The following PPFIA2 variants were observed in gnomAD, a reference collection of about 807,000 sequenced individuals.
The protein encoded by PPFIA2 is liprin-alpha-2.
PPFIA2 carries 46 observed loss-of-function variants against 175.5 expected under a neutral mutation model. The ratio of observed to expected loss-of-function variants is 0.26; its 90% CI spans 0.21 to 0.34. The LOEUF is 0.34. Ranked by LOEUF, PPFIA2 falls within the 10% of genes least tolerant of loss-of-function variation. The pLI is 1.00. For synonymous variants in PPFIA2, 568 were observed against 511.4 expected (o/e 1.11, Z -1.49); for missense variants, 1,179 against 1,506.1 (o/e 0.78, Z 3.60).
At chr12:81,455,347 T>C (rs2053399749) in intron 5 of PPFIA2, among the ~76,000 whole-genome samples, 1 of 152,122 alleles carries the variant, frequency 6.6e-6, no homozygotes. Flanking sequence ...GGGGTTTTCA[T>C]AAATCTGTTT....
chr12:81,637,067 TC>T (rs1374280384), intron 4 of PPFIA2, among the ~76,000 whole-genome samples: 1 of 151,488 alleles, frequency 6.6e-6, no homozygotes, highest in East Asian at 1.9e-4. Flanking sequence ...TTACTCTATA[TC>T]TTTTTTTTTT....
chr12:81,751,132 T>C (rs969860809), intron 3 of PPFIA2, among the ~76,000 whole-genome samples: 1 of 151,916 alleles, frequency 6.6e-6, no homozygotes, highest in African/African-American at 2.4e-5. Flanking sequence ...AAACACTTTC[T>C]TTAAAAAAAA....
intron 4 of PPFIA2, among the ~76,000 whole-genome samples, chr12:81,498,886 T>C (rs1300929225): frequency 1.3e-5 from 2 of 152,036 alleles, no homozygotes; most frequent in African/African-American, 4.8e-5. Flanking sequence ...GCCTCCCAAA[T>C]TGCTGGGATT....
rs1163033534 is a variant in PPFIA2 at position 81,605,642 on chromosome 12, T to C, written c.303+71149A>G. Among the ~76,000 whole-genome samples the C allele has an allele frequency of 2.1e-5, 3 of 145,570 alleles. No individual in the cohort carries two copies. In the East Asian group the frequency reaches 6.0e-4, roughly 29 times the overall value. ...ACTAGCCTGTCTGTCTATCCATCCA[T>C]CCATCCAGCTATCTATCTATCTATC... On this transcript the variant is annotated intron_variant, in intron 4 of 32. Coordinates refer to ENST00000549396, the MANE Select transcript of PPFIA2 (RefSeq NM_003625.5).
At chr12:81,549,620 G>A (rs1320898917) in intron 4 of PPFIA2, among the ~76,000 whole-genome samples, 1 of 151,892 alleles carries the variant, frequency 6.6e-6, no homozygotes, top group South Asian at 2.1e-4. Flanking sequence ...CCTTGAATAT[G>A]TCCCATTCCA....
At chr12:81,271,388 A>G (rs1306490845) in intron 28 of PPFIA2, among the ~76,000 whole-genome samples, 7 of 152,024 alleles carry the variant, frequency 4.6e-5, no homozygotes, top group Non-Finnish European at 1.0e-4. Context: ...CTCCTGCCTC[A>G]CCCTCCCAAG....
intron 3 of PPFIA2, among the ~76,000 whole-genome samples, chr12:81,712,742 G>A (rs1257277193): frequency 6.7e-6 from 1 of 150,048 alleles, no homozygotes; most frequent in Non-Finnish European, 1.5e-5. Flanking sequence ...TTTTTTTTAA[G>A]TGGGACATCA....
At chr12:81,574,111 G>C (rs2073067499) in intron 4 of PPFIA2, among the ~76,000 whole-genome samples, 1 of 151,750 alleles carries the variant, frequency 6.6e-6, no homozygotes, top group Non-Finnish European at 1.5e-5. Context: ...ATAGTTATCA[G>C]GGGCTGCATA....
chr12:81,462,709 C>T (rs1002753797), intron 4 of PPFIA2, among the ~76,000 whole-genome samples: 1 of 150,704 alleles, frequency 6.6e-6, no homozygotes, highest in Non-Finnish European at 1.5e-5. Context: ...ATACCTCCCA[C>T]CTAGGAATAG....
At chr12:81,677,597 A>G (rs1596313039) in intron 3 of PPFIA2, among the ~76,000 whole-genome samples, 1 of 152,024 alleles carries the variant, frequency 6.6e-6, no homozygotes, top group East Asian at 1.9e-4. Flanking sequence ...AGAACAGGTG[A>G]CATTTATCTT....
intron 8 of PPFIA2, among the ~76,000 whole-genome samples, chr12:81,403,052 T>C (rs1177834567): frequency 6.6e-6 from 1 of 152,124 alleles, no homozygotes; most frequent in Non-Finnish European, 1.5e-5. Context: ...TGCATGATAA[T>C]AATATATAAT....
intron 6 of PPFIA2, among the ~76,000 whole-genome samples, chr12:81,442,899 A>ATATATG (rs61555735): frequency 2.5e-5 from 2 of 81,436 alleles, no homozygotes; most frequent in East Asian, 3.5e-4. Context: ...ATATATATAT[A>ATATATG]GTATTACTTG....
At chr12:81,450,214 C>T (rs1463907913) in intron 5 of PPFIA2, among the ~76,000 whole-genome samples, 1 of 152,202 alleles carries the variant, frequency 6.6e-6, no homozygotes, top group African/African-American at 2.4e-5. Flanking sequence ...GGAATTGCCA[C>T]ACTGTCTTCC....
intron 3 of PPFIA2, 89 bp downstream of exon 3, chr12:81,753,884 T>C (rs2084237110): frequency 2.0e-6 from 3 of 1,475,934 alleles, no homozygotes; most frequent in African/African-American, 1.4e-5. Context: ...ATATGTTAAG[T>C]GGAAAAGTAA....
intron 4 of PPFIA2, chr12:81,675,464 GGATAA>G (rs2072324661): frequency 6.6e-6 from 1 of 151,920 alleles, no homozygotes; most frequent in African/African-American, 2.4e-5. Flanking sequence ...TGTAAATAAT[GGATAA>G]GATCTTTATC....
At chr12:81,354,461 A>T (rs2140984785) in intron 16 of PPFIA2, among the ~76,000 whole-genome samples, 1 of 152,242 alleles carries the variant, frequency 6.6e-6, no homozygotes, top group South Asian at 2.1e-4. Context: ...TAAAAAGTAA[A>T]TCCTCATCTG....
chr12:81,371,059 T>C (rs921702342), intron 11 of PPFIA2, among the ~76,000 whole-genome samples: 3 of 151,904 alleles, frequency 2.0e-5, no homozygotes, highest in Non-Finnish European at 4.4e-5. Flanking sequence ...ACATTTAACA[T>C]TTCAATTCTG....
At chr12:81,567,443 G>T (rs1261487237) in intron 4 of PPFIA2, among the ~76,000 whole-genome samples, 2 of 152,076 alleles carry the variant, frequency 1.3e-5, no homozygotes, top group Non-Finnish European at 2.9e-5. Flanking sequence ...TGGGCCTTTA[G>T]ATAGTTTTAG....
At chr12:81,494,225 A>G (rs2059767619) in intron 4 of PPFIA2, among the ~76,000 whole-genome samples, 1 of 152,098 alleles carries the variant, frequency 6.6e-6, no homozygotes, top group Admixed American at 6.6e-5. Context: ...AGAATCTACA[A>G]TGAACTCAAA....
Sources: allele counts gnomAD v4.1 joint callset (sites outside exome capture counted in the v4.1 genomes callset), GRCh38; gene constraint gnomAD v4.1.1; transcripts MANE v1.5; gene names NCBI Gene and HGNC (gene_info 2026-07-23, HGNC 2026-07-21).